PTPRE: variants seen among roughly 807,000 people sequenced by gnomAD.
The protein encoded by PTPRE is protein tyrosine phosphatase receptor type E, also known as receptor-type tyrosine-protein phosphatase epsilon.
PTPRE carries 51 observed loss-of-function variants against 102.0 expected under a neutral mutation model. That is an observed-to-expected ratio of 0.50 (90% CI 0.40 to 0.63). PTPRE has a LOEUF of 0.63. PTPRE is among the 30% of genes least tolerant of loss of function. The pLI is 0.00. For missense variants in PTPRE, 752 were observed against 915.1 expected (o/e 0.82, Z 2.30); for synonymous variants, 345 against 348.2 (o/e 0.99, Z 0.10).
At chr10:127,919,130 T>A (rs1342307796) in intron 1 of PTPRE, among the ~76,000 whole-genome samples, 1 of 152,198 alleles carries the variant, frequency 6.6e-6, no homozygotes, top group Non-Finnish European at 1.5e-5. Flanking sequence ...TTTGGCTCCA[T>A]TGGTGTGCCC....
At chr10:127,980,721 T>A (rs1179060890) in intron 1 of PTPRE, among the ~76,000 whole-genome samples, 1 of 152,196 alleles carries the variant, frequency 6.6e-6, no homozygotes, top group African/African-American at 2.4e-5. Flanking sequence ...TGGGTCAGCT[T>A]TTAAATGTAT....
At chr10:127,941,308 G>A (rs1047934622) in intron 1 of PTPRE, among the ~76,000 whole-genome samples, 9 of 152,246 alleles carry the variant, frequency 5.9e-5, no homozygotes, top group Admixed American at 2.6e-4. Flanking sequence ...GCAATTGTGG[G>A]AGCAACACCT....
intron 1 of PTPRE, chr10:127,934,688 G>A (rs1442547002): frequency 6.6e-6 from 1 of 152,490 alleles, no homozygotes; most frequent in Non-Finnish European, 1.5e-5. Flanking sequence ...CTGCTCTGCT[G>A]AGGTTGTGGA....
chr10:127,912,024 T>A (rs932320664), intron 1 of PTPRE, among the ~76,000 whole-genome samples: 2 of 152,178 alleles, frequency 1.3e-5, no homozygotes, highest in Non-Finnish European at 2.9e-5. Context: ...GGTCGTTCGC[T>A]GCTGGATGTG....
chr10:128,037,911 C>T (rs1847349507), intron 2 of PTPRE, among the ~76,000 whole-genome samples: 1 of 151,916 alleles, frequency 6.6e-6, no homozygotes, highest in Admixed American at 6.6e-5. Context: ...CTGCCTCAGC[C>T]TCCTGAGTGG....
At chr10:128,014,928 C>G (rs149879078) in intron 2 of PTPRE, among the ~76,000 whole-genome samples, 32 of 152,282 alleles carry the variant, frequency 2.1e-4, no homozygotes, top group African/African-American at 7.5e-4. Flanking sequence ...TGCTGACACT[C>G]TGCAAGCTCA....
At chr10:127,924,563 A>G (rs1042406259) in intron 1 of PTPRE, among the ~76,000 whole-genome samples, 26 of 152,202 alleles carry the variant, frequency 1.7e-4, no homozygotes, top group Non-Finnish European at 4.4e-5. Flanking sequence ...GATCAGGCAG[A>G]CATGGGATTG....
intron 1 of PTPRE, among the ~76,000 whole-genome samples, chr10:127,937,687 C>T (rs1433133781): frequency 1.3e-5 from 2 of 150,456 alleles, no homozygotes; most frequent in Non-Finnish European, 3.0e-5. Context: ...GGTGAAACCC[C>T]ATCTCTACTA....
At chr10:128,072,898 A>G (rs1850906382) in intron 16 of PTPRE, among the ~76,000 whole-genome samples, 1 of 152,192 alleles carries the variant, frequency 6.6e-6, no homozygotes, top group African/African-American at 2.4e-5. Context: ...GGCTGTCTTC[A>G]TGCACAGTGG....
intron 1 of PTPRE, among the ~76,000 whole-genome samples, chr10:127,961,012 C>G (rs1849765467): frequency 1.0e-5 from 1 of 97,374 alleles, no homozygotes; most frequent in Non-Finnish European, 1.9e-5. Flanking sequence ...AAGACCCAGA[C>G]TCTGTCAAAA....
intron 2 of PTPRE, among the ~76,000 whole-genome samples, chr10:128,031,860 G>A (rs958829669): frequency 1.3e-5 from 2 of 152,086 alleles, no homozygotes; most frequent in Non-Finnish European, 2.9e-5. Flanking sequence ...GGGCCCCAGG[G>A]CTCAGTTCCA....
At chr10:127,910,685 G>A (rs145602995) in intron 1 of PTPRE, among the ~76,000 whole-genome samples, 147 of 152,316 alleles carry the variant, frequency 9.7e-4, no homozygotes, top group Admixed American at 2.7e-3. Context: ...CTGTGAGGGG[G>A]ACATAGGATA....
At chr10:128,077,937 G>A (rs752004287) in intron 19 of PTPRE, among the ~76,000 whole-genome samples, 154 bp downstream of exon 19, 2 of 152,170 alleles carry the variant, frequency 1.3e-5, no homozygotes, top group African/African-American at 2.4e-5. Flanking sequence ...ATGCACACAC[G>A]ACTTCACTTA....
intron 1 of PTPRE, among the ~76,000 whole-genome samples, chr10:127,922,673 T>C (rs1019885489): frequency 6.6e-6 from 1 of 152,222 alleles, no homozygotes; most frequent in Non-Finnish European, 1.5e-5. Context: ...AGAGTTCCAC[T>C]GAACCCGTAA....
In PTPRE at chr10:127,981,366, T is replaced by C. The variant is rs1383742075; in HGVS notation, c.-30-908T>C. Among the ~76,000 whole-genome samples, 3 of 152,200 alleles carry C rather than the reference T, an allele frequency of 2.0e-5. No homozygotes were observed. The East Asian group carries it at 5.8e-4, about 29-fold the overall frequency. On this transcript the variant is annotated intron_variant, in intron 1 of 20. Coordinates refer to ENST00000254667, the MANE Select transcript of PTPRE (RefSeq NM_006504.6). ...GGGTGTGGGGTTTCTTTTTGAATGA[T>C]GAAAATGTTCTAATATTAGATTACA...
intron 1 of PTPRE, among the ~76,000 whole-genome samples, chr10:127,916,598 C>T (rs1846224809): frequency 6.6e-6 from 1 of 152,152 alleles, no homozygotes; most frequent in South Asian, 2.1e-4. Context: ...TTGAGCATTC[C>T]AGACAGAGGG....
chr10:127,987,958 T>C (rs1020477732), intron 2 of PTPRE, among the ~76,000 whole-genome samples: 1 of 152,222 alleles, frequency 6.6e-6, no homozygotes, highest in East Asian at 1.9e-4. Context: ...GCACTCTGTG[T>C]GTAAGGGTTT....
At chr10:127,945,557 A>G (rs1848565376) in intron 1 of PTPRE, among the ~76,000 whole-genome samples, 1 of 152,226 alleles carries the variant, frequency 6.6e-6, no homozygotes, top group African/African-American at 2.4e-5. Context: ...CTCTACAGGA[A>G]TGGGGTTTGG....
rs1319313317 is a variant in PTPRE, at chr10:128,085,171, G to A, written c.*2265G>A. 1 of 452,354 alleles carries A rather than the reference G, an allele frequency of 2.2e-6. No individual in the cohort carries two copies. Among genetic ancestry groups the A allele is most frequent in the Admixed American group, 2.4e-5 (1 of 42,074 alleles). The allele number at this position is 452,354 out of a possible 1,614,324, so 28.0% of individuals were successfully genotyped here. A position where few individuals can be genotyped will look rare whatever the true frequency, so the allele number is the denominator to read the frequency against. ...AGCGGGGAGGTCATTACAGCCTCAT[G>A]GCCTCTACCAAGGCCCCAGATCACA... On this transcript the variant is annotated 3_prime_UTR_variant, in exon 21 of 21. Transcript: ENST00000254667.
Sources: allele counts gnomAD v4.1 joint callset (sites outside exome capture counted in the v4.1 genomes callset), GRCh38; gene constraint gnomAD v4.1.1; transcripts MANE v1.5; gene names NCBI Gene and HGNC (gene_info 2026-07-23, HGNC 2026-07-21).